The following OGA variants were observed in gnomAD, a reference collection of about 807,000 sequenced individuals.
OGA encodes protein O-GlcNAcase.
OGA carries 21 observed loss-of-function variants against 102.0 expected under a neutral mutation model. The ratio of observed to expected loss-of-function variants is 0.21; its 90% CI spans 0.15 to 0.30. The LOEUF is 0.30. Ranked by LOEUF, OGA falls within the 10% of genes least tolerant of loss-of-function variation. The pLI, the probability that OGA is intolerant of heterozygous loss-of-function variation, is 1.00. For missense variants in OGA, 765 were observed against 1,107.8 expected (o/e 0.69, Z 4.39); for synonymous variants, 408 against 378.2 (o/e 1.08, Z -0.91).
intron 5 of OGA, among the ~76,000 whole-genome samples, chr10:101,807,157 T>C (rs61874102): frequency 0.049 from 7,474 of 152,176 alleles, 205 homozygotes; most frequent in Middle Eastern, 0.095. Flanking sequence ...AGTTAAATAA[T>C]TTAATCTAAA....
intron 10 of OGA, among the ~76,000 whole-genome samples, chr10:101,796,855 G>A (rs944312629): frequency 6.6e-6 from 1 of 152,020 alleles, no homozygotes; most frequent in Admixed American, 6.5e-5. Context: ...CACCAAGAGC[G>A]CTGGGATTAC....
intron 3 of OGA, among the ~76,000 whole-genome samples, chr10:101,812,307 T>G (rs974580103): frequency 5.9e-5 from 9 of 152,132 alleles, no homozygotes; most frequent in Admixed American, 3.3e-4. Context: ...TTTGGGAGGC[T>G]GAGGCAGCAG....
intron 7 of OGA, among the ~76,000 whole-genome samples, chr10:101,802,429 T>G (rs2065405311): frequency 6.6e-6 from 1 of 152,198 alleles, no homozygotes; most frequent in Non-Finnish European, 1.5e-5. Context: ...ATCCCAGCAC[T>G]TTGGGAAGCC....
At chr10:101,795,416 G>C (rs932407534) in intron 10 of OGA, among the ~76,000 whole-genome samples, 6 of 152,140 alleles carry the variant, frequency 3.9e-5, no homozygotes, top group African/African-American at 1.4e-4. Flanking sequence ...TAATCATGAC[G>C]CGCTGTGAAC....
In OGA at chr10:101,785,240, A is replaced by C. The variant is rs2065180779; in HGVS notation, c.*1211T>G. 1 of 152,218 alleles carries C rather than the reference A, an allele frequency of 6.6e-6. No homozygotes were observed. The highest frequency in any genetic ancestry group is 2.4e-5 in the African/African-American group (1 of 41,448). The allele number at this position is 152,218 out of a possible 1,614,324, so 9.4% of individuals were successfully genotyped here. ...CAGAACCCTTAAAAACACAGAATCT[A>C]AATTAAAATACATGAAGCTTTCACA... On this transcript the variant is annotated 3_prime_UTR_variant, in exon 16 of 16. Transcript: ENST00000361464.
At chr10:101,798,263 T>A in intron 9 of OGA, 109 bp from the exon 10 acceptor site, 3 of 968,888 alleles carry the variant, frequency 3.1e-6, no homozygotes, top group Non-Finnish European at 4.5e-6. Context: ...CAATTTATCT[T>A]AACCATTAAA....
intron 7 of OGA, among the ~76,000 whole-genome samples, chr10:101,801,236 C>CA (rs1433991483): frequency 6.6e-6 from 1 of 151,416 alleles, no homozygotes; most frequent in Non-Finnish European, 1.5e-5. Context: ...ACTAAAAATA[C>CA]AAAAAATTAG....
In OGA at chr10:101,790,940, TCTC is replaced by T; in HGVS notation, c.2407_2409del (p.Glu803del). 6.2e-7 allele frequency: 1 copy of T among 1,613,642 alleles called. No individual in the cohort carries two copies. Among genetic ancestry groups the T allele is most frequent in the Non-Finnish European group, 8.5e-7 (1 of 1,179,694 alleles). On this transcript the variant is annotated inframe_deletion, in exon 14 of 16. Transcript: ENST00000361464. Reference sequence around the variant, plus strand: ...TTGTCACCATTTGGCTTGGTATACTTCTCCTGCATGAAGGGGATCCAGGAAATT... The same window carrying T: ...TTGTCACCATTTGGCTTGGTATACTTCTGCATGAAGGGGATCCAGGAAATT...
At chr10:101,812,316 A>T (rs2065569327) in intron 3 of OGA, among the ~76,000 whole-genome samples, 1 of 152,170 alleles carries the variant, frequency 6.6e-6, no homozygotes, top group Admixed American at 6.6e-5. Context: ...CTGAGGCAGC[A>T]GAATCTCTTG....
chr10:101,795,958 T>C lies in OGA; in HGVS notation c.1985-1960A>G. 3.2e-6 allele frequency: 3 copies of C among 938,136 alleles called. 1 individual carries two copies. Among genetic ancestry groups the C allele is most frequent in the Non-Finnish European group, 3.8e-6 (3 of 786,950 alleles). 58.1% of individuals were successfully genotyped at this position (938,136 alleles called of 1,614,324 possible). On this transcript the variant is annotated intron_variant, in intron 10 of 15. Coordinates refer to ENST00000361464, the MANE Select transcript of OGA (RefSeq NM_012215.5). ...GAAAGCTACCACCATAAATGCTCAG[T>C]GCAGAGATAAACCCTGAGAAGAGAA...
chr10:101,787,592 T>C (rs2065205904), intron 14 of OGA, 69 bp from the exon 15 acceptor site: 3 of 1,316,480 alleles, frequency 2.3e-6, no homozygotes, highest in Non-Finnish European at 3.2e-6. Context: ...ACTACAGAAC[T>C]TAGCAACAAG....
intron 2 of OGA, 22 bp from the exon 3 acceptor site, chr10:101,813,149 A>AT: frequency 6.7e-7 from 1 of 1,501,542 alleles, no homozygotes. Context: ...AGAAAATTAC[A>AT]TATGTATAAA....
intron 1 of OGA, among the ~76,000 whole-genome samples, chr10:101,815,062 C>G (rs949548648): frequency 6.6e-6 from 1 of 152,126 alleles, no homozygotes; most frequent in South Asian, 2.1e-4. Context: ...ATTCTGAACA[C>G]AAAATGTTCT....
intron 14 of OGA, among the ~76,000 whole-genome samples, chr10:101,790,237 G>C (rs2065241694): frequency 6.9e-6 from 1 of 144,306 alleles, no homozygotes; most frequent in Non-Finnish European, 1.5e-5. Context: ...ATTGTCCTGA[G>C]TACTCAACAA....
intron 7 of OGA, among the ~76,000 whole-genome samples, chr10:101,803,120 G>A (rs1291489039): frequency 8.2e-5 from 12 of 146,960 alleles, no homozygotes; most frequent in South Asian, 6.4e-4. Context: ...CAGCCTGGGC[G>A]ATGGAGCAAA....
intron 4 of OGA, among the ~76,000 whole-genome samples, chr10:101,808,619 T>C (rs188146032): frequency 3.3e-5 from 5 of 152,266 alleles, no homozygotes; most frequent in Admixed American, 1.3e-4. Context: ...GCCACCCATA[T>C]AAATCTTTGC....
At chr10:101,811,434 G>GA (rs2065556835) in intron 3 of OGA, among the ~76,000 whole-genome samples, 1 of 69,392 alleles carries the variant, frequency 1.4e-5, no homozygotes, top group African/African-American at 5.3e-5. Flanking sequence ...AAAAAAAAAT[G>GA]AATCACACCT....
chr10:101,785,703 C>A lies in OGA; in HGVS notation c.*748G>T, dbSNP rs1263238472. 6.6e-6 allele frequency: 1 copy of A among 152,568 alleles called. No individual in the cohort carries two copies. Among genetic ancestry groups the A allele is most frequent in the African/African-American group, 2.4e-5 (1 of 41,450 alleles). 9.5% of individuals were successfully genotyped at this position (152,568 alleles called of 1,614,324 possible). ...CATTATTCAAAGTGCCATTCTGAAC[C>A]AACACCCTTTCATTTATAGAGGAAA... On this transcript the variant is annotated 3_prime_UTR_variant, in exon 16 of 16. Coordinates refer to ENST00000361464, the MANE Select transcript of OGA (RefSeq NM_012215.5).
intron 3 of OGA, among the ~76,000 whole-genome samples, chr10:101,811,039 C>T (rs1421024345): frequency 6.6e-6 from 1 of 151,522 alleles, no homozygotes; most frequent in Non-Finnish European, 1.5e-5. Context: ...GAATTCCTAA[C>T]TAAATAAACC....
Sources: gnomAD v4.1 joint callset for allele counts (sites outside exome capture counted in the v4.1 genomes callset) on GRCh38, gnomAD v4.1.1 for gene constraint, MANE v1.5 for transcripts, NCBI Gene and HGNC (gene_info 2026-07-23, HGNC 2026-07-21) for gene names.